The following RDH10 variants were observed in gnomAD, a reference collection of about 807,000 sequenced individuals.
RDH10 encodes the protein retinol dehydrogenase 10 (all-trans).
In RDH10, 12 loss-of-function variants were observed where a neutral mutation model predicts 30.2. The observed-to-expected ratio is 0.40, with a 90% CI of 0.25 to 0.64. The LOEUF is 0.64. Ranked by LOEUF, RDH10 falls within the 30% of genes least tolerant of loss-of-function variation. RDH10 has a pLI of 0.43. For synonymous variants in RDH10, 189 were observed against 172.2 expected, an observed-to-expected ratio of 1.10 and a Z score of -0.76; for missense variants, 268 against 445.2, an observed-to-expected ratio of 0.60 and a Z score of 3.58.
At chr8:73,304,350 G>A (rs1814433132) in intron 2 of RDH10, among the ~76,000 whole-genome samples, 1 of 152,068 alleles carries the variant, frequency 6.6e-6, no homozygotes, top group Non-Finnish European at 1.5e-5. Flanking sequence ...TTGATTGATC[G>A]CCCCTTTCCT....
At position 73,306,562 on chromosome 8, in the gene RDH10, GT is replaced by G. The variant is rs566247545; in HGVS notation, c.525+9134del. Among the ~76,000 whole-genome samples, 441 of 152,316 alleles carry G rather than the reference GT, an allele frequency of 2.9e-3. 2 individuals carry two copies. Among genetic ancestry groups the G allele is most frequent in the African/African-American group, 0.01 (428 of 41,572 alleles). On this transcript the variant is annotated intron_variant, in intron 2 of 5. Coordinates refer to ENST00000240285, the MANE Select transcript of RDH10 (RefSeq NM_172037.5). ...CAAATGCTGCTAGAATATTTAACAA[GT>G]AAGGGCAATTACTGCCGCAACCTTG...
At chr8:73,306,723 T>G (rs1814468306) in intron 2 of RDH10, among the ~76,000 whole-genome samples, 1 of 152,240 alleles carries the variant, frequency 6.6e-6, no homozygotes, top group African/African-American at 2.4e-5. Context: ...GTGTTAGCAT[T>G]GTATTTTTTG....
At chr8:73,318,960 G>A (rs1219857620) in intron 2 of RDH10, 136 bp from the exon 3 acceptor site, 1 of 601,682 alleles carries the variant, frequency 1.7e-6, no homozygotes, top group African/African-American at 1.9e-5. Flanking sequence ...AGATCTTTTT[G>A]ATAAATATAA....
At chr8:73,306,878 A>G (rs1206189833) in intron 2 of RDH10, among the ~76,000 whole-genome samples, 3 of 152,212 alleles carry the variant, frequency 2.0e-5, no homozygotes, top group Non-Finnish European at 4.4e-5. Context: ...ATAGGGCTCA[A>G]AATAACATAA....
intron 2 of RDH10, among the ~76,000 whole-genome samples, chr8:73,309,081 A>G (rs185143073): frequency 0.013 from 1,946 of 145,750 alleles, 42 homozygotes; most frequent in African/African-American, 0.046. Context: ...ACCCACATAC[A>G]CACACTTTTT....
chr8:73,317,293 C>A (rs924347295), intron 2 of RDH10, among the ~76,000 whole-genome samples: 19 of 152,150 alleles, frequency 1.2e-4, no homozygotes, highest in African/African-American at 4.6e-4. Context: ...TATTAGGGGG[C>A]TCCAGTGACA....
intron 2 of RDH10, among the ~76,000 whole-genome samples, chr8:73,317,462 A>G (rs1048592746): frequency 6.7e-6 from 1 of 149,432 alleles, no homozygotes; most frequent in African/African-American, 2.4e-5. Context: ...AGGAAACTCA[A>G]ACAGGGTGTG....
Position 73,317,842 on chromosome 8 carries a change from C to G in RDH10, c.526-1254C>G, listed in dbSNP as rs1202380543. Among the ~76,000 whole-genome samples, 6 of 152,038 alleles carry G rather than the reference C, an allele frequency of 3.9e-5. 1 individual carries two copies. The highest frequency in any genetic ancestry group is 1.5e-4 in the African/African-American group (6 of 41,372). On this transcript the variant is annotated intron_variant, in intron 2 of 5. Transcript: ENST00000240285. Reference sequence around the variant, plus strand: ...GGCTGAGGCAGAAGGATCACTTGAGCCCAGGAGTTCGAGGCTGCAGTGAGC... The same window carrying G: ...GGCTGAGGCAGAAGGATCACTTGAGGCCAGGAGTTCGAGGCTGCAGTGAGC...
In RDH10 at chr8:73,294,864, G is replaced by C. The variant is rs1477345953; in HGVS notation, c.-426G>C. 1 of 391,370 alleles carries C rather than the reference G, an allele frequency of 2.6e-6. No individual in the cohort carries two copies. Among genetic ancestry groups the C allele is most frequent in the Non-Finnish European group, 4.5e-6 (1 of 221,310 alleles). The allele number at this position is 391,370 out of a possible 1,614,324, so 24.2% of individuals were successfully genotyped here. ...CGCTGGCCCGTGCCGCCTCCGCTGC[G>C]CACCCCTCCCCCGGGGTGAGAGGGA... On this transcript the variant is annotated 5_prime_UTR_variant, in exon 1 of 6. Coordinates refer to ENST00000240285, the MANE Select transcript of RDH10 (RefSeq NM_172037.5).
chr8:73,319,224 T>C (rs1436869699), intron 3 of RDH10, 30 bp downstream of exon 3: 4 of 1,465,830 alleles, frequency 2.7e-6, no homozygotes, highest in African/African-American at 1.4e-5. Flanking sequence ...TTTCTTTCGT[T>C]CAATCTGTTT....
At chr8:73,319,765 A>C (rs566744525) in intron 3 of RDH10, among the ~76,000 whole-genome samples, 1 of 152,374 alleles carries the variant, frequency 6.6e-6, no homozygotes, top group African/African-American at 2.4e-5. Flanking sequence ...TCACCTTGCC[A>C]AAACTGAGCT....
intron 2 of RDH10, among the ~76,000 whole-genome samples, chr8:73,301,899 C>T (rs914183006): frequency 6.6e-6 from 1 of 152,170 alleles, no homozygotes; most frequent in African/African-American, 2.4e-5. Context: ...CACATGTGTT[C>T]TGATTTTTAC....
intron 2 of RDH10, among the ~76,000 whole-genome samples, chr8:73,315,937 T>C (rs1448140738): frequency 6.6e-6 from 1 of 152,236 alleles, no homozygotes; most frequent in Admixed American, 6.5e-5. Flanking sequence ...ATAATATGTT[T>C]TATACTTTTT....
chr8:73,322,333 G>T, intron 4 of RDH10: 1 of 280,692 alleles, frequency 3.6e-6, no homozygotes, highest in South Asian at 3.8e-5. Context: ...CATCTTGCTT[G>T]AGATTAGTGT....
At chr8:73,295,973 A>ACACTTCTTCAGTCTAGTC in intron 1 of RDH10, 1 of 325,436 alleles carries the variant, frequency 3.1e-6, no homozygotes, top group Non-Finnish European at 4.7e-6. Flanking sequence ...GACTAGACTG[A>ACACTTCTTCAGTCTAGTC]AGAAGTGTCT....
At chr8:73,307,620 G>A (rs559419411) in intron 2 of RDH10, among the ~76,000 whole-genome samples, 70 of 152,246 alleles carry the variant, frequency 4.6e-4, no homozygotes, top group African/African-American at 1.6e-3. Context: ...AGAGGTGAAG[G>A]GACTTCCCTA....
rs748951517 is a variant in RDH10, at chr8:73,294,736, G to A, written c.-554G>A. The A allele has an allele frequency of 5.2e-5, 19 of 368,432 alleles. No homozygotes were observed. The highest frequency in any genetic ancestry group is 8.2e-5 in the Non-Finnish European group (17 of 206,970). The allele number at this position is 368,432 out of a possible 1,614,324, so 22.8% of individuals were successfully genotyped here. A position where few individuals can be genotyped will look rare whatever the true frequency, so the allele number is the denominator to read the frequency against. On this transcript the variant is annotated 5_prime_UTR_variant, in exon 1 of 6. Transcript: ENST00000240285. ...AGCTGCAAGGCGTTGGGCAGCGCTTGCCTGCGCCGAGCGAGTCTCCCCTTC... is the reference window on the plus strand; with the variant it reads ...AGCTGCAAGGCGTTGGGCAGCGCTTACCTGCGCCGAGCGAGTCTCCCCTTC...
At chr8:73,309,151 A>T (rs144648192) in intron 2 of RDH10, among the ~76,000 whole-genome samples, 140 of 151,650 alleles carry the variant, frequency 9.2e-4, no homozygotes, top group African/African-American at 3.2e-3. Flanking sequence ...CAGACCACGC[A>T]CTCTGGGGCC....
chr8:73,303,859 T>C (rs1019891492), intron 2 of RDH10, among the ~76,000 whole-genome samples: 1 of 152,214 alleles, frequency 6.6e-6, no homozygotes, highest in Admixed American at 6.5e-5. Flanking sequence ...AATATCACTT[T>C]ACATAGCTGG....
Sources: gnomAD v4.1 joint callset for allele counts (sites outside exome capture counted in the v4.1 genomes callset) on GRCh38, gnomAD v4.1.1 for gene constraint, MANE v1.5 for transcripts, NCBI Gene and HGNC (gene_info 2026-07-23, HGNC 2026-07-21) for gene names.